The following STARD3NL variants were observed in gnomAD, a reference collection of about 807,000 sequenced individuals.
STARD3NL encodes STARD3 N-terminal-like protein.
In STARD3NL, 17 loss-of-function variants were observed where a neutral mutation model predicts 30.9. The observed-to-expected ratio is 0.55, with a 90% confidence interval of 0.38 to 0.82. The LOEUF is 0.82. STARD3NL is among the 40% of genes least tolerant of loss of function. The pLI is 0.00. For missense variants in STARD3NL, 234 were observed against 277.6 expected (o/e 0.84, Z 1.12); for synonymous variants, 112 against 100.5 (o/e 1.11, Z -0.69).
intron 1 of STARD3NL, among the ~76,000 whole-genome samples, chr7:38,204,319 G>A (rs1391668658): frequency 6.6e-6 from 1 of 152,172 alleles, no homozygotes; most frequent in Non-Finnish European, 1.5e-5. Flanking sequence ...CTAGAACTCA[G>A]GATGAAGAAA....
chr7:38,207,127 G>C (rs995848917), intron 1 of STARD3NL, among the ~76,000 whole-genome samples: 2 of 152,132 alleles, frequency 1.3e-5, no homozygotes, highest in Non-Finnish European at 1.5e-5. Flanking sequence ...CAAGGTAACT[G>C]AGTCGTTCAC....
At position 38,214,441 on chromosome 7, in the gene STARD3NL, A is replaced by G. The variant is rs1562618807; in HGVS notation, c.303+7A>G. The G allele has an allele frequency of 6.4e-7, 1 of 1,554,672 alleles. No homozygotes were observed. On this transcript the variant is annotated splice_region_variant and intron_variant, in intron 3 of 8. Transcript: ENST00000009041. ...TTCATATTTTGATATATTTGTAAGT[A>G]TTTTTTATGTTTCATTTCAGATGTG... is the stretch of plus-strand genomic sequence containing the variant.
chr7:38,221,158 A>G (rs4295563), intron 7 of STARD3NL, among the ~76,000 whole-genome samples: 127,939 of 152,174 alleles, frequency 0.84, 54,032 homozygotes, highest in East Asian at 0.92. Context: ...ACTGGATGGC[A>G]TGCTTAAAAA....
intron 2 of STARD3NL, among the ~76,000 whole-genome samples, chr7:38,210,103 T>C (rs1191762399): frequency 6.6e-6 from 1 of 152,220 alleles, no homozygotes; most frequent in Non-Finnish European, 1.5e-5. Flanking sequence ...GTACCATTCA[T>C]TTTGCTTTGT....
At chr7:38,202,233 CTTTCCT>C (rs1255249788) in intron 1 of STARD3NL, 1 of 152,184 alleles carries the variant, frequency 6.6e-6, no homozygotes, top group Non-Finnish European at 1.5e-5. Context: ...TTATTATTTT[CTTTCCT>C]TTTACTAAAT....
chr7:38,185,885 A>G (rs1254850353), intron 1 of STARD3NL, among the ~76,000 whole-genome samples: 1 of 152,194 alleles, frequency 6.6e-6, no homozygotes, highest in African/African-American at 2.4e-5. Flanking sequence ...TTCCTGGGAG[A>G]GCAGTGAGCT....
chr7:38,198,691 C>G (rs1414959019), intron 1 of STARD3NL, among the ~76,000 whole-genome samples: 1 of 152,160 alleles, frequency 6.6e-6, no homozygotes, highest in African/African-American at 2.4e-5. Flanking sequence ...GCTTGGCTGT[C>G]AACAGGAGGT....
chr7:38,228,633 A>G (rs984269413), intron 7 of STARD3NL, among the ~76,000 whole-genome samples, 166 bp from the exon 8 acceptor site: 4 of 152,168 alleles, frequency 2.6e-5, no homozygotes, highest in African/African-American at 9.6e-5. Context: ...GTTACAAGAA[A>G]TAAATAAAGC....
intron 1 of STARD3NL, among the ~76,000 whole-genome samples, chr7:38,204,293 C>T (rs1364323454): frequency 2.6e-5 from 4 of 152,168 alleles, no homozygotes; most frequent in Non-Finnish European, 4.4e-5. Context: ...GTCTCTCAGA[C>T]CACTGTGCAA....
At chr7:38,193,744 G>A (rs1219674382) in intron 1 of STARD3NL, among the ~76,000 whole-genome samples, 1 of 152,210 alleles carries the variant, frequency 6.6e-6, no homozygotes, top group African/African-American at 2.4e-5. Flanking sequence ...GACACAGTAA[G>A]TCCCAGTGTG....
At chr7:38,184,699 G>A (rs1238645365) in intron 1 of STARD3NL, among the ~76,000 whole-genome samples, 1 of 145,210 alleles carries the variant, frequency 6.9e-6, no homozygotes, top group Non-Finnish European at 1.5e-5. Flanking sequence ...AACCCATATA[G>A]TATATAATAT....
chr7:38,182,107 T>A (rs1364232717), intron 1 of STARD3NL, among the ~76,000 whole-genome samples: 1 of 152,228 alleles, frequency 6.6e-6, no homozygotes, highest in Non-Finnish European at 1.5e-5. Flanking sequence ...TTAAAATATA[T>A]GTTGACTTGA....
At chr7:38,199,741 G>A (rs1385873717) in intron 1 of STARD3NL, among the ~76,000 whole-genome samples, 1 of 152,210 alleles carries the variant, frequency 6.6e-6, no homozygotes, top group African/African-American at 2.4e-5. Context: ...GAAAGTGGCT[G>A]TAAGGAATGA....
chr7:38,206,880 C>T (rs1391968367), intron 1 of STARD3NL, among the ~76,000 whole-genome samples: 1 of 152,218 alleles, frequency 6.6e-6, no homozygotes, highest in Non-Finnish European at 1.5e-5. Context: ...AGCGATCCTC[C>T]TATGCAGCTC....
chr7:38,208,564 C>G (rs1785621282), intron 2 of STARD3NL, among the ~76,000 whole-genome samples: 1 of 152,154 alleles, frequency 6.6e-6, no homozygotes, highest in Non-Finnish European at 1.5e-5. Context: ...TGATTGTTTA[C>G]ATTTCTTACC....
intron 1 of STARD3NL, among the ~76,000 whole-genome samples, chr7:38,184,308 C>T (rs1399439386): frequency 6.6e-6 from 1 of 152,044 alleles, no homozygotes; most frequent in Non-Finnish European, 1.5e-5. Flanking sequence ...GCGAAACTTC[C>T]TGTGTCAGTC....
intron 1 of STARD3NL, among the ~76,000 whole-genome samples, chr7:38,190,777 A>G (rs1302437793): frequency 6.6e-6 from 1 of 152,086 alleles, no homozygotes; most frequent in Non-Finnish European, 1.5e-5. Flanking sequence ...TCACACCACT[A>G]TCCTTTTTAT....
intron 4 of STARD3NL, chr7:38,216,177 T>A (rs1786100130): frequency 6.6e-6 from 1 of 152,336 alleles, no homozygotes; most frequent in South Asian, 2.1e-4. Flanking sequence ...ACTATCCCTC[T>A]CAATGTTTGT....
intron 1 of STARD3NL, among the ~76,000 whole-genome samples, chr7:38,184,979 A>G (rs540668714): frequency 6.6e-6 from 1 of 151,894 alleles, no homozygotes; most frequent in South Asian, 2.1e-4. Flanking sequence ...AGATCCTACT[A>G]CTTTTGTTGT....
Sources: gnomAD v4.1 joint callset for allele counts (sites outside exome capture counted in the v4.1 genomes callset) on GRCh38, gnomAD v4.1.1 for gene constraint, MANE v1.5 for transcripts, NCBI Gene and HGNC (gene_info 2026-07-23, HGNC 2026-07-21) for gene names.